KIAA1217: variants seen among roughly 807,000 people sequenced by gnomAD.
The protein encoded by KIAA1217 is KIAA1217, also known as sickle tail protein homolog.
Under a neutral mutation model 163.9 loss-of-function variants are expected in KIAA1217, and 88 were observed. The observed-to-expected ratio is 0.54, with a 90% CI of 0.45 to 0.64. The LOEUF (loss-of-function observed/expected upper bound fraction) is 0.64, where lower values mean the gene tolerates loss of function less well. KIAA1217 is among the 30% of genes least tolerant of loss of function. The pLI, the probability that KIAA1217 is intolerant of heterozygous loss-of-function variation, is 0.00. For synonymous variants in KIAA1217, 903 were observed against 923.1 expected (o/e 0.98, Z 0.39); for missense variants, 2,372 against 2,475.0 (o/e 0.96, Z 0.88).
chr10:23,939,690 T>C (rs184488228), intron 1 of KIAA1217, among the ~76,000 whole-genome samples: 53 of 151,784 alleles, frequency 3.5e-4, no homozygotes, highest in African/African-American at 1.1e-3. Flanking sequence ...AGTTGTTACT[T>C]AATTAGTGAT....
intron 3 of KIAA1217, among the ~76,000 whole-genome samples, chr10:24,428,175 G>A (rs1031718653): frequency 5.9e-5 from 9 of 152,176 alleles, no homozygotes; most frequent in Admixed American, 1.3e-4. Context: ...CTGTAGGGAC[G>A]CCATTGGTGG....
At chr10:23,824,851 C>T (rs149974357) in intron 1 of KIAA1217, among the ~76,000 whole-genome samples, 4 of 151,698 alleles carry the variant, frequency 2.6e-5, no homozygotes, top group South Asian at 2.1e-4. Flanking sequence ...CTCCAGATTA[C>T]GCTAATTATC....
chr10:24,513,541 A>G (rs2069537673), intron 10 of KIAA1217, 107 bp downstream of exon 10: 1 of 1,027,378 alleles, frequency 9.7e-7, no homozygotes, highest in Non-Finnish European at 1.4e-6. Flanking sequence ...CTCTTTATTG[A>G]GCACCTACTG....
chr10:24,359,199 C>T (rs754075138), intron 2 of KIAA1217, among the ~76,000 whole-genome samples: 1 of 150,490 alleles, frequency 6.6e-6, no homozygotes, highest in Non-Finnish European at 1.5e-5. Context: ...AAGTGATTCT[C>T]GTGCCTCAGC....
chr10:24,407,032 G>T (rs186584471), intron 3 of KIAA1217, among the ~76,000 whole-genome samples: 69 of 152,290 alleles, frequency 4.5e-4, no homozygotes, highest in Non-Finnish European at 7.3e-4. Flanking sequence ...AACTACCATC[G>T]CAGCTCTGTC....
At chr10:24,127,980 A>G (rs2063524768) in intron 2 of KIAA1217, among the ~76,000 whole-genome samples, 1 of 152,180 alleles carries the variant, frequency 6.6e-6, no homozygotes, top group South Asian at 2.1e-4. Context: ...AATATTGCAA[A>G]TATTCTTCTC....
chr10:24,441,402 T>C (rs914524948), intron 5 of KIAA1217, among the ~76,000 whole-genome samples: 1 of 152,066 alleles, frequency 6.6e-6, no homozygotes. Context: ...CCTTAACCAA[T>C]GAATGTAATA....
Position 24,209,238 on chromosome 10 carries a change from C to T in KIAA1217, c.45C>T (p.Tyr15=), listed in dbSNP as rs781709319. The change falls in exon 1 of 21, where the codon TAC becomes TAT. Residue 15 remains tyrosine (Y), a synonymous_variant. Coordinates refer to ENST00000376454, the MANE Select transcript of KIAA1217 (RefSeq NM_019590.5). Reference sequence around the variant, plus strand: ...AGAAATGTGAGCCGTGCCTTCCTTACTCAGCAGACAGAAGACAGATGCAGG... The same window carrying T: ...AGAAATGTGAGCCGTGCCTTCCTTATTCAGCAGACAGAAGACAGATGCAGG... ...ESQKCEPCLP[Y]SADRRQMQEQ... is the part of the protein sequence containing the mutation. 7 of 1,613,752 alleles carry T rather than the reference C, an allele frequency of 4.3e-6. No homozygotes were observed. In the East Asian group the frequency reaches 1.3e-4, roughly 31 times the overall value.
In KIAA1217 at chr10:24,285,111, C is replaced by T. The variant is rs116629537; in HGVS notation, c.354+65202C>T. On this transcript the variant is annotated intron_variant, in intron 2 of 20. Transcript: ENST00000376454. ...TATTCTTGTTGAATTGTTTAAGTTT[C>T]TTATAGATACTGGATATTAGTTCTT... Among the ~76,000 whole-genome samples, 469 of 152,140 alleles carry T rather than the reference C, an allele frequency of 3.1e-3. 3 individuals carry two copies. Among genetic ancestry groups the T allele is most frequent in the African/African-American group, 0.011 (446 of 41,506 alleles).
intron 2 of KIAA1217, among the ~76,000 whole-genome samples, chr10:24,039,947 C>T (rs990260676): frequency 9.2e-5 from 14 of 152,074 alleles, no homozygotes; most frequent in African/African-American, 3.4e-4. Flanking sequence ...TTCCCCTTTC[C>T]CTTGTAAAAT....
chr10:24,474,896 T>C (rs1188237409), intron 6 of KIAA1217, among the ~76,000 whole-genome samples: 3 of 152,164 alleles, frequency 2.0e-5, no homozygotes, highest in African/African-American at 7.2e-5. Context: ...TGCTACCTAT[T>C]GTTATATATG....
chr10:23,982,803 A>T lies in KIAA1217; in HGVS notation c.-320-24422A>T, dbSNP rs1337657309. Among the ~76,000 whole-genome samples the T allele has an allele frequency of 3.9e-5, 6 of 151,916 alleles. No individual in the cohort carries two copies. In the East Asian group the frequency reaches 1.2e-3, roughly 30 times the overall value. On this transcript the variant is annotated intron_variant, in intron 1 of 18. Coordinates refer to the KIAA1217 transcript ENST00000376462. ...GGTCTGAAACTCCTGATCTCAGGTG[A>T]TCCACCCACCTCAGCCTCCCAACGT...
chr10:23,871,693 G>A (rs1756159410), intron 1 of KIAA1217, among the ~76,000 whole-genome samples: 1 of 151,940 alleles, frequency 6.6e-6, no homozygotes, highest in Non-Finnish European at 1.5e-5. Flanking sequence ...TAAGTATGGG[G>A]GTTTGAACGA....
chr10:24,487,644 C>G (rs904904562), intron 6 of KIAA1217, among the ~76,000 whole-genome samples: 1 of 4,496 alleles, frequency 2.2e-4, no homozygotes, highest in Admixed American at 4.4e-4. Context: ...TCATTTTTGC[C>G]TGTTTTTTTT....
chr10:23,868,116 C>T (rs187770667), intron 1 of KIAA1217, among the ~76,000 whole-genome samples: 3 of 152,192 alleles, frequency 2.0e-5, no homozygotes, highest in Non-Finnish European at 2.9e-5. Flanking sequence ...ACCCTGAATG[C>T]GCCCGATCTC....
chr10:24,028,628 G>T (rs1324240622), intron 2 of KIAA1217, among the ~76,000 whole-genome samples: 1 of 152,124 alleles, frequency 6.6e-6, no homozygotes, highest in East Asian at 1.9e-4. Flanking sequence ...GCACTTAGAA[G>T]ATTTCAAAGA....
chr10:23,795,581 G>A (rs1244230114), intron 1 of KIAA1217, among the ~76,000 whole-genome samples: 2 of 152,172 alleles, frequency 1.3e-5, no homozygotes, highest in Non-Finnish European at 2.9e-5. Context: ...AAAGTGGTTC[G>A]GTCCAAAAGG....
At chr10:23,898,202 G>A (rs1168928234) in intron 1 of KIAA1217, among the ~76,000 whole-genome samples, 1 of 151,756 alleles carries the variant, frequency 6.6e-6, no homozygotes, top group Non-Finnish European at 1.5e-5. Context: ...TTCTAACCTG[G>A]AACTCAGTTC....
intron 3 of KIAA1217, among the ~76,000 whole-genome samples, chr10:24,432,705 A>G (rs908236910): frequency 3.3e-5 from 5 of 151,716 alleles, no homozygotes; most frequent in African/African-American, 9.7e-5. Context: ...TCCTCTTGCC[A>G]TGGCCTCCCA....
Sources: gnomAD v4.1 joint callset for allele counts (sites outside exome capture counted in the v4.1 genomes callset) on GRCh38, gnomAD v4.1.1 for gene constraint, MANE v1.5 for transcripts, NCBI Gene and HGNC (gene_info 2026-07-23, HGNC 2026-07-21) for gene names.